Variants in INPP4B observed in about 807,000 individuals in gnomAD.
The protein encoded by INPP4B is inositol polyphosphate 4-phosphatase type II.
INPP4B carries 55 observed loss-of-function variants against 122.5 expected under a neutral mutation model. The ratio of observed to expected loss-of-function variants is 0.45; its 90% confidence interval spans 0.36 to 0.56. INPP4B has a LOEUF of 0.56. INPP4B is among the 20% of genes least tolerant of loss of function. The pLI, the probability that INPP4B is intolerant of heterozygous loss-of-function variation, is 0.00. For synonymous variants in INPP4B, 403 were observed against 388.7 expected (o/e 1.04, Z -0.43); for missense variants, 1,000 against 1,097.7 (o/e 0.91, Z 1.26).
chr4:142,516,780 C>A (rs1825470650), intron 2 of INPP4B, among the ~76,000 whole-genome samples: 1 of 151,480 alleles, frequency 6.6e-6, no homozygotes, highest in African/African-American at 2.4e-5. Context: ...TTTTTTTCCC[C>A]CAGTCAGGTT....
At chr4:142,367,474 TTTA>T (rs1403024474) in intron 7 of INPP4B, among the ~76,000 whole-genome samples, 4 of 152,076 alleles carry the variant, frequency 2.6e-5, no homozygotes, top group Non-Finnish European at 4.4e-5. Flanking sequence ...CTGATACTTC[TTTA>T]TTAATATGTT....
At chr4:142,213,559 A>C (rs1845763747) in intron 12 of INPP4B, among the ~76,000 whole-genome samples, 1 of 152,096 alleles carries the variant, frequency 6.6e-6, no homozygotes, top group African/African-American at 2.4e-5. Flanking sequence ...TGGTAGTAGA[A>C]AGCTTCCTCT....
At chr4:142,644,774 C>G (rs181878698) in intron 2 of INPP4B, among the ~76,000 whole-genome samples, 1,675 of 137,556 alleles carry the variant, frequency 0.012, 32 homozygotes, top group African/African-American at 0.034. Flanking sequence ...AAAATTGGCA[C>G]AGTGTAGTGG....
chr4:142,044,611 A>G (rs1214870342), intron 25 of INPP4B, among the ~76,000 whole-genome samples: 1 of 152,136 alleles, frequency 6.6e-6, no homozygotes, highest in African/African-American at 2.4e-5. Flanking sequence ...CTGATAGTGA[A>G]AGAAAAAAAA....
chr4:142,430,853 T>C (rs559478002), intron 4 of INPP4B, among the ~76,000 whole-genome samples: 238 of 152,232 alleles, frequency 1.6e-3, no homozygotes, highest in Non-Finnish European at 2.9e-3. Context: ...TTAGAAAGTA[T>C]TAGTGTCTAG....
intron 18 of INPP4B, among the ~76,000 whole-genome samples, chr4:142,141,366 T>C (rs1362970779): frequency 2.0e-5 from 3 of 152,142 alleles, no homozygotes; most frequent in African/African-American, 7.2e-5. Context: ...AAATCTAAGG[T>C]TCTAATATTC....
At chr4:142,539,003 T>G (rs888585894) in intron 2 of INPP4B, among the ~76,000 whole-genome samples, 15 of 151,458 alleles carry the variant, frequency 9.9e-5, no homozygotes, top group Non-Finnish European at 3.0e-5. Context: ...TACAAGACAA[T>G]GAAAAAAATT....
chr4:142,757,567 A>G (rs2150964631), intron 1 of INPP4B, among the ~76,000 whole-genome samples: 1 of 152,136 alleles, frequency 6.6e-6, no homozygotes, highest in East Asian at 1.9e-4. Context: ...TCTTTCCCTT[A>G]GTAATATTTA....
At chr4:142,417,664 C>A (rs1447167203) in intron 5 of INPP4B, among the ~76,000 whole-genome samples, 1 of 151,966 alleles carries the variant, frequency 6.6e-6, no homozygotes, top group Non-Finnish European at 1.5e-5. Flanking sequence ...TAGAATAATA[C>A]CATTGGAGAA....
intron 2 of INPP4B, among the ~76,000 whole-genome samples, chr4:142,643,835 G>A (rs376494966): frequency 2.0e-5 from 3 of 152,034 alleles, no homozygotes; most frequent in Admixed American, 6.6e-5. Context: ...TTTTCCATTC[G>A]GAATCACACC....
intron 2 of INPP4B, among the ~76,000 whole-genome samples, chr4:142,538,387 A>T (rs1828537970): frequency 6.6e-6 from 1 of 152,144 alleles, no homozygotes; most frequent in Non-Finnish European, 1.5e-5. Context: ...ACTATGATAT[A>T]GTAAATTCAT....
At chr4:142,584,677 C>A (rs925998872) in intron 2 of INPP4B, among the ~76,000 whole-genome samples, 12 of 152,082 alleles carry the variant, frequency 7.9e-5, no homozygotes, top group Non-Finnish European at 1.5e-4. Flanking sequence ...TGACCTTAAT[C>A]ACCTGGATAA....
chr4:142,100,689 A>G (rs1045675767), intron 23 of INPP4B, among the ~76,000 whole-genome samples: 1 of 152,226 alleles, frequency 6.6e-6, no homozygotes, highest in Admixed American at 6.6e-5. Flanking sequence ...TTCTTGCATA[A>G]GCTTGACCTC....
chr4:142,753,582 C>T (rs185748073), intron 1 of INPP4B, among the ~76,000 whole-genome samples: 16 of 152,022 alleles, frequency 1.1e-4, no homozygotes, highest in Middle Eastern at 3.4e-3. Flanking sequence ...AGGCTTACTG[C>T]GATCTAGGGA....
At chr4:142,043,269 AT>A (rs1749288900) in intron 25 of INPP4B, among the ~76,000 whole-genome samples, 1 of 152,248 alleles carries the variant, frequency 6.6e-6, no homozygotes, top group Non-Finnish European at 1.5e-5. Flanking sequence ...AATAAGATAC[AT>A]TTAAGAATCT....
chr4:142,843,755 T>G (rs941640823), intron 1 of INPP4B, among the ~76,000 whole-genome samples: 3 of 152,104 alleles, frequency 2.0e-5, no homozygotes, highest in African/African-American at 7.2e-5. Flanking sequence ...CTCATTTGGT[T>G]GCTATGAGTT....
At chr4:142,430,284 A>T (rs1247488961) in intron 4 of INPP4B, among the ~76,000 whole-genome samples, 2 of 152,090 alleles carry the variant, frequency 1.3e-5, no homozygotes, top group Non-Finnish European at 2.9e-5. Context: ...AGAGAGGTTA[A>T]AGTGACAATC....
intron 11 of INPP4B, among the ~76,000 whole-genome samples, chr4:142,259,821 T>A (rs1009818865): frequency 6.6e-6 from 1 of 152,102 alleles, no homozygotes; most frequent in Admixed American, 6.5e-5. Context: ...TGTTAAAAAC[T>A]GAGACAAAAA....
chr4:142,388,206 T>TA (rs1796553842), intron 7 of INPP4B, among the ~76,000 whole-genome samples: 1 of 152,188 alleles, frequency 6.6e-6, no homozygotes, highest in African/African-American at 2.4e-5. Flanking sequence ...CCTGTGAGTT[T>TA]AAAATCCAGG....
Sources: gnomAD v4.1 joint callset for allele counts (sites outside exome capture counted in the v4.1 genomes callset) on GRCh38, gnomAD v4.1.1 for gene constraint, MANE v1.5 for transcripts, NCBI Gene and HGNC (gene_info 2026-07-23, HGNC 2026-07-21) for gene names.